The following GRIK2 variants were observed in gnomAD, a reference collection of about 807,000 sequenced individuals.
GRIK2 encodes the protein glutamate ionotropic receptor kainate type subunit 2.
Under a neutral mutation model 100.3 loss-of-function variants are expected in GRIK2, and 32 were observed. That is an observed-to-expected ratio of 0.32 (90% CI 0.24 to 0.43). The LOEUF (loss-of-function observed/expected upper bound fraction) is 0.43, where lower values mean the gene tolerates loss of function less well. GRIK2 is among the 20% of genes least tolerant of loss of function. The pLI is 1.00. For missense variants in GRIK2, 843 were observed against 1,114.9 expected, an observed-to-expected ratio of 0.76 and a Z score of 3.47; for synonymous variants, 417 against 389.4, an observed-to-expected ratio of 1.07 and a Z score of -0.83.
chr6:101,849,885 A>G (rs1428651579), intron 10 of GRIK2, among the ~76,000 whole-genome samples: 2 of 119,548 alleles, frequency 1.7e-5, no homozygotes, highest in Non-Finnish European at 3.2e-5. Flanking sequence ...ACCATTAGGT[A>G]ATATTTTCTA....
Position 101,496,692 on chromosome 6 carries a change from CAT to C in GRIK2, c.115+97301_115+97302del, listed in dbSNP as rs1319529515. Among the ~76,000 whole-genome samples the C allele has an allele frequency of 5.3e-5, 8 of 152,184 alleles. No homozygotes were observed. The East Asian group carries it at 1.4e-3, about 26-fold the overall frequency. On this transcript the variant is annotated intron_variant, in intron 2 of 16. Transcript: ENST00000369134. ...AACTTTCAAACAAATCATGGACAAA[CAT>C]GTATTTTTGGGTTTTGTAATGTTTA...
intron 14 of GRIK2, among the ~76,000 whole-genome samples, chr6:102,025,966 G>T (rs1429909332): frequency 1.3e-5 from 2 of 150,638 alleles, no homozygotes; most frequent in Admixed American, 1.3e-4. Flanking sequence ...GTTGGTTAAA[G>T]CTCCTACCTC....
chr6:101,584,118 G>A (rs1778233982), intron 2 of GRIK2, among the ~76,000 whole-genome samples: 1 of 151,948 alleles, frequency 6.6e-6, no homozygotes, highest in Non-Finnish European at 1.5e-5. Context: ...GAAAAAATAT[G>A]ATTATAACAT....
intron 4 of GRIK2, among the ~76,000 whole-genome samples, chr6:101,657,094 A>G (rs977192846): frequency 8.5e-5 from 13 of 152,230 alleles, no homozygotes; most frequent in African/African-American, 2.7e-4. Flanking sequence ...AATACACACT[A>G]TCAATAAATG....
intron 10 of GRIK2, among the ~76,000 whole-genome samples, chr6:101,840,349 A>C (rs1783414179): frequency 6.6e-6 from 1 of 152,224 alleles, no homozygotes; most frequent in Non-Finnish European, 1.5e-5. Context: ...CCTGATACTT[A>C]TCGGATTCCC....
intron 10 of GRIK2, among the ~76,000 whole-genome samples, chr6:101,819,147 A>T (rs2128422291): frequency 6.6e-6 from 1 of 152,240 alleles, no homozygotes; most frequent in Admixed American, 6.5e-5. Context: ...TCATTTGCAA[A>T]AGGGAATTTT....
At chr6:101,828,786 C>A (rs568992541) in intron 10 of GRIK2, among the ~76,000 whole-genome samples, 1 of 151,778 alleles carries the variant, frequency 6.6e-6, no homozygotes, top group African/African-American at 2.4e-5. Context: ...GCTGATCAAC[C>A]CAAAAAGCTG....
At chr6:101,697,911 G>C (rs932237552) in intron 7 of GRIK2, among the ~76,000 whole-genome samples, 1 of 152,014 alleles carries the variant, frequency 6.6e-6, no homozygotes, top group Non-Finnish European at 1.5e-5. Context: ...CTCCATAAGT[G>C]ATATCCATTT....
chr6:101,896,899 A>C (rs1787482362), intron 12 of GRIK2, among the ~76,000 whole-genome samples: 1 of 151,588 alleles, frequency 6.6e-6, no homozygotes, highest in East Asian at 1.9e-4. Flanking sequence ...CAGAGTGCTA[A>C]AACTTGAAGT....
At chr6:101,677,644 A>G (rs1770937565) in intron 5 of GRIK2, among the ~76,000 whole-genome samples, 1 of 152,028 alleles carries the variant, frequency 6.6e-6, no homozygotes, top group African/African-American at 2.4e-5. Context: ...TTGAACACAA[A>G]TTTTTGGATT....
chr6:101,558,147 T>C (rs1158797667), intron 2 of GRIK2, among the ~76,000 whole-genome samples: 1 of 152,210 alleles, frequency 6.6e-6, no homozygotes, highest in Non-Finnish European at 1.5e-5. Context: ...TAGCCAAATC[T>C]AGCTTCTTAA....
At chr6:101,617,750 T>G (rs1779962983) in intron 2 of GRIK2, among the ~76,000 whole-genome samples, 1 of 151,754 alleles carries the variant, frequency 6.6e-6, no homozygotes, top group East Asian at 1.9e-4. Flanking sequence ...GAATGCTTGT[T>G]CAAATTTTCT....
intron 9 of GRIK2, among the ~76,000 whole-genome samples, chr6:101,806,856 G>C (rs1008807802): frequency 6.6e-6 from 1 of 151,168 alleles, no homozygotes; most frequent in Non-Finnish European, 1.5e-5. Flanking sequence ...TTTAATTTCT[G>C]ACTCTATCAA....
chr6:101,581,940 A>T (rs911854286), intron 2 of GRIK2, among the ~76,000 whole-genome samples: 1 of 152,100 alleles, frequency 6.6e-6, no homozygotes, highest in Non-Finnish European at 1.5e-5. Context: ...ACCTTGAATT[A>T]TAATAATCCC....
chr6:101,950,925 T>C (rs1274806070), intron 14 of GRIK2, among the ~76,000 whole-genome samples: 1 of 152,116 alleles, frequency 6.6e-6, no homozygotes, highest in Non-Finnish European at 1.5e-5. Flanking sequence ...TTCAACATGG[T>C]AGTAGCATTT....
At chr6:101,993,551 A>G (rs1438437707) in intron 14 of GRIK2, 2 of 151,098 alleles carry the variant, frequency 1.3e-5, no homozygotes, top group African/African-American at 4.8e-5. Flanking sequence ...CAATTTCATA[A>G]GCAACCATAA....
intron 7 of GRIK2, among the ~76,000 whole-genome samples, chr6:101,746,541 G>A (rs1484757813): frequency 1.3e-5 from 2 of 152,004 alleles, no homozygotes; most frequent in East Asian, 1.9e-4. Flanking sequence ...TGGCCAGGCT[G>A]GTCTTGAACT....
chr6:101,906,721 A>G (rs1010445669), intron 12 of GRIK2, among the ~76,000 whole-genome samples: 3 of 151,728 alleles, frequency 2.0e-5, no homozygotes, highest in African/African-American at 4.8e-5. Context: ...TCTATAATGT[A>G]TCTAAAAACA....
intron 7 of GRIK2, among the ~76,000 whole-genome samples, chr6:101,786,989 T>C (rs1198575810): frequency 1.3e-5 from 2 of 152,118 alleles, no homozygotes; most frequent in African/African-American, 4.8e-5. Flanking sequence ...TGATTCAATT[T>C]TGTTACTCTT....
Sources: allele counts gnomAD v4.1 joint callset (sites outside exome capture counted in the v4.1 genomes callset), GRCh38; gene constraint gnomAD v4.1.1; transcripts MANE v1.5; gene names NCBI Gene and HGNC (gene_info 2026-07-23, HGNC 2026-07-21).